MICU3: variants seen among roughly 807,000 people sequenced by gnomAD.
MICU3 encodes mitochondrial calcium uptake 3, also known as calcium uptake protein 3, mitochondrial.
In MICU3, 62 loss-of-function variants were observed where a neutral mutation model predicts 66.5. The observed-to-expected ratio is 0.93, with a 90% CI of 0.76 to 1.15. The LOEUF is 1.15. MICU3 is among the 50% of genes most tolerant of loss of function. MICU3 has a pLI of 0.00. For synonymous variants in MICU3, 308 were observed against 240.7 expected (o/e 1.28, Z -2.59); for missense variants, 779 against 664.4 (o/e 1.17, Z -1.90).
chr8:17,125,801 G>C (rs1339207262), downstream of MICU3, among the ~76,000 whole-genome samples: 2 of 152,030 alleles, frequency 1.3e-5, no homozygotes, highest in Non-Finnish European at 2.9e-5. Flanking sequence ...GGGATGCTGA[G>C]GCGGGTGGAT....
At chr8:17,100,274 T>C (rs1222892402) in intron 9 of MICU3, among the ~76,000 whole-genome samples, 1 of 151,600 alleles carries the variant, frequency 6.6e-6, no homozygotes, top group Non-Finnish European at 1.5e-5. Context: ...ATCCACACTC[T>C]GATCCAAAGC....
intron 11 of MICU3, among the ~76,000 whole-genome samples, chr8:17,111,553 TTTGTTCC>T (rs1297049827): frequency 6.6e-6 from 1 of 152,194 alleles, no homozygotes; most frequent in Non-Finnish European, 1.5e-5. Flanking sequence ...CTATTTTTAT[TTTGTTCC>T]TTATGTGTTT....
chr8:17,093,269 G>T (rs905710720), intron 8 of MICU3, among the ~76,000 whole-genome samples: 1 of 152,050 alleles, frequency 6.6e-6, no homozygotes, highest in South Asian at 2.1e-4. Context: ...AAGTACATTT[G>T]ACTTTGGCAT....
chr8:17,030,111 G>T (rs891350349), intron 1 of MICU3, among the ~76,000 whole-genome samples: 1 of 151,924 alleles, frequency 6.6e-6, no homozygotes. Flanking sequence ...CTTTCTATAT[G>T]GCTGCTATAT....
chr8:17,095,459 A>G (rs1585472824), intron 8 of MICU3, among the ~76,000 whole-genome samples: 1 of 152,016 alleles, frequency 6.6e-6, no homozygotes, highest in Non-Finnish European at 1.5e-5. Flanking sequence ...ACGAATTATA[A>G]AGATATAGTT....
chr8:17,123,308 A>T (rs554397179), downstream of MICU3, among the ~76,000 whole-genome samples: 53 of 152,272 alleles, frequency 3.5e-4, no homozygotes, highest in African/African-American at 1.2e-3. Flanking sequence ...AATTGTGACT[A>T]TACGCACAGA....
intron 5 of MICU3, among the ~76,000 whole-genome samples, 189 bp from the exon 6 acceptor site, chr8:17,085,047 G>A (rs1306409503): frequency 1.3e-5 from 2 of 151,994 alleles, no homozygotes; most frequent in African/African-American, 4.8e-5. Context: ...TATCACAGAA[G>A]TACTTTTAAA....
intron 1 of MICU3, among the ~76,000 whole-genome samples, chr8:17,063,179 A>G (rs1818139228): frequency 6.6e-6 from 1 of 152,192 alleles, no homozygotes; most frequent in South Asian, 2.1e-4. Context: ...AAAGAAAGCA[A>G]AAACAATTCT....
At chr8:17,051,644 T>C (rs1420813701) in intron 1 of MICU3, among the ~76,000 whole-genome samples, 1 of 152,080 alleles carries the variant, frequency 6.6e-6, no homozygotes, top group African/African-American at 2.4e-5. Flanking sequence ...ATAAATGATT[T>C]CAAGGGGAAA....
At chr8:17,055,435 CAGAG>C (rs1466773114) in intron 1 of MICU3, among the ~76,000 whole-genome samples, 1 of 152,206 alleles carries the variant, frequency 6.6e-6, no homozygotes, top group Admixed American at 6.5e-5. Context: ...GTTGGTATGA[CAGAG>C]AGACTGCAAA....
chr8:17,069,213 A>G (rs1357420008), intron 2 of MICU3, among the ~76,000 whole-genome samples: 2 of 152,090 alleles, frequency 1.3e-5, no homozygotes, highest in African/African-American at 4.8e-5. Flanking sequence ...TCTTTCCCCA[A>G]TCCTTCTTCA....
At chr8:17,050,103 C>T (rs149194336) in intron 1 of MICU3, among the ~76,000 whole-genome samples, 203 of 152,206 alleles carry the variant, frequency 1.3e-3, no homozygotes, top group African/African-American at 4.6e-3. Context: ...GCTGCAGTGA[C>T]TATCCAGGGA....
intron 2 of MICU3, among the ~76,000 whole-genome samples, 183 bp from the exon 3 acceptor site, chr8:17,069,505 A>G (rs1349207292): frequency 6.6e-6 from 1 of 152,068 alleles, no homozygotes; most frequent in African/African-American, 2.4e-5. Context: ...CATAGTATAT[A>G]TGAAGCAAAT....
intron 1 of MICU3, among the ~76,000 whole-genome samples, chr8:17,033,631 A>G (rs12549643): frequency 0.3 from 44,889 of 151,692 alleles, 7,865 homozygotes; most frequent in East Asian, 0.61. Flanking sequence ...TAGAGACGGG[A>G]TTTCACTGTG....
downstream of MICU3, among the ~76,000 whole-genome samples, chr8:17,123,965 A>C (rs62502374): frequency 4.1e-5 from 6 of 144,744 alleles, no homozygotes; most frequent in African/African-American, 7.6e-5. Context: ...AAAAAAAAAA[A>C]CCACCATCCC....
intron 1 of MICU3, among the ~76,000 whole-genome samples, chr8:17,058,138 A>T (rs566442693): frequency 8.0e-4 from 122 of 152,272 alleles, no homozygotes; most frequent in African/African-American, 2.6e-3. Context: ...TTGACATATT[A>T]CACTTAGCGA....
chr8:17,060,457 G>A (rs541346981), intron 1 of MICU3, among the ~76,000 whole-genome samples: 4 of 152,112 alleles, frequency 2.6e-5, no homozygotes, highest in South Asian at 2.1e-4. Flanking sequence ...ACAGGCATGC[G>A]TGCACCACCA....
At chr8:17,106,729 C>T (rs1803424730) in intron 11 of MICU3, among the ~76,000 whole-genome samples, 1 of 151,786 alleles carries the variant, frequency 6.6e-6, no homozygotes, top group East Asian at 1.9e-4. Flanking sequence ...AATTGATTCT[C>T]ATTGATTTTT....
chr8:17,129,406 A>G, the MICU3 span, among the ~76,000 whole-genome samples: 1 of 152,360 alleles, frequency 6.6e-6, no homozygotes, highest in South Asian at 2.1e-4. Context: ...TTAAGTAAAA[A>G]TAATAGCATA....
Sources: allele counts gnomAD v4.1 joint callset (sites outside exome capture counted in the v4.1 genomes callset), GRCh38; gene constraint gnomAD v4.1.1; transcripts MANE v1.5; gene names NCBI Gene and HGNC (gene_info 2026-07-23, HGNC 2026-07-21).